Variants in TRIM42 observed in about 807,000 individuals in gnomAD.
The protein encoded by TRIM42 is tripartite motif-containing protein 42.
A neutral mutation model predicts 64.9 loss-of-function variants in TRIM42; 59 were observed. That is an observed-to-expected ratio of 0.91 (90% CI 0.74 to 1.13). TRIM42 has a LOEUF of 1.13. Ranked by LOEUF, TRIM42 falls within the 50% of genes most tolerant of loss-of-function variation. The pLI is 0.00. For synonymous variants in TRIM42, 354 were observed against 346.3 expected, an observed-to-expected ratio of 1.02 and a Z score of -0.25; for missense variants, 878 against 929.5, an observed-to-expected ratio of 0.94 and a Z score of 0.72.
Position 140,682,834 on chromosome 3 carries a change from C to T in TRIM42, c.714C>T (p.Cys238=). The change falls in exon 2 of 5, where the codon TGC becomes TGT. Residue 238 remains cysteine, a synonymous_variant. Transcript: ENST00000286349. The part of the protein sequence containing the change: ...RFDRSSGPIL[C]QVCRNKRIAY... ...ACCGCTCCTCCGGGCCCATCCTCTG[C>T]CAGGTCTGCCGCAACAAGCGCATCG... 6.2e-7 allele frequency: 1 copy of T among 1,614,152 alleles called. No homozygotes were observed.
At chr3:140,693,223 TAAGTG>T (rs765973382) in intron 4 of TRIM42, among the ~76,000 whole-genome samples, 15 of 152,254 alleles carry the variant, frequency 9.9e-5, no homozygotes, top group Non-Finnish European at 1.5e-4. Flanking sequence ...TGAAAGCTGT[TAAGTG>T]TTTTATACAG....
chr3:140,689,067 C>G (rs889713091), intron 3 of TRIM42, among the ~76,000 whole-genome samples: 1 of 152,194 alleles, frequency 6.6e-6, no homozygotes, highest in Non-Finnish European at 1.5e-5. Flanking sequence ...AGATTCAACC[C>G]GCCTTGAAGG....
chr3:140,679,832 A>G (rs977229005), intron 1 of TRIM42, among the ~76,000 whole-genome samples: 1 of 152,090 alleles, frequency 6.6e-6, no homozygotes, highest in Non-Finnish European at 1.5e-5. Flanking sequence ...GTTACTGTGC[A>G]TTGAAGTCAC....
rs750432714 is a variant in TRIM42, at chr3:140,688,188, C to T, written c.1506C>T (p.Asp502=). ...TGPKKVRSSG[D]SLPSPYPVHS... is the part of the protein sequence containing the mutation. ...CCAAGAAGGTACGCTCCTCAGGGGACTCCCTGCCCTCCCCCTACCCCGTGC... is the reference window on the plus strand; with the variant it reads ...CCAAGAAGGTACGCTCCTCAGGGGATTCCCTGCCCTCCCCCTACCCCGTGC... Residue 502 remains aspartate (D), a synonymous_variant, in exon 3 of 5, where the codon GAC becomes GAT. Transcript: ENST00000286349. 6.2e-6 allele frequency: 10 copies of T among 1,614,072 alleles called. No homozygotes were observed. Among genetic ancestry groups the T allele is most frequent in the Non-Finnish European group, 8.5e-6 (10 of 1,180,010 alleles).
chr3:140,696,633 C>A (rs1471053956), intron 4 of TRIM42, among the ~76,000 whole-genome samples: 12 of 152,224 alleles, frequency 7.9e-5, no homozygotes, highest in Admixed American at 7.9e-4. Flanking sequence ...AGTCTGCAAT[C>A]AAAATGTTGG....
At chr3:140,687,654 GT>G in intron 2 of TRIM42, 67 bp from the exon 3 acceptor site, 2 of 1,217,550 alleles carry the variant, frequency 1.6e-6, no homozygotes, top group Non-Finnish European at 2.3e-6. Context: ...ATTTGTTCTA[GT>G]TTGCTACTGA....
intron 3 of TRIM42, among the ~76,000 whole-genome samples, chr3:140,688,844 C>T (rs560605974): frequency 2.6e-5 from 4 of 152,232 alleles, no homozygotes; most frequent in Non-Finnish European, 5.9e-5. Context: ...AATTTGGGAA[C>T]CAAAGTAATT....
rs1988270706 is a variant in TRIM42, at chr3:140,678,568, C to T, written c.339C>T (p.Thr113=). 1.9e-6 allele frequency: 3 copies of T among 1,610,028 alleles called. No homozygotes were observed. The highest frequency in any genetic ancestry group is 2.5e-6 in the Non-Finnish European group (3 of 1,177,254). The change falls in exon 1 of 5, where the codon ACC becomes ACT. Residue 113 remains threonine, a splice_region_variant and synonymous_variant. Transcript: ENST00000286349. ...AGGGCCGCCTCAGGAGCATCCATAC[C>T]TCGTAAGTGCCAGGCACCAGATGTG... is the stretch of plus-strand genomic sequence containing the variant. The part of the protein sequence containing the change: ...FHKGRLRSIH[T]SSKTALRTGS...
rs141871662 is a variant in TRIM42, at chr3:140,687,799, C to T, written c.1117C>T (p.Arg373Ter). 2.0e-5 allele frequency: 32 copies of T among 1,613,964 alleles called. No homozygotes were observed. The highest frequency in any genetic ancestry group is 1.2e-4 in the Admixed American group (7 of 59,986). The change falls in exon 3 of 5, where the codon CGA (arginine) becomes TGA (stop). Residue 373 changes from arginine to a stop codon, truncating the protein, a stop_gained. Transcript: ENST00000286349. LOFTEE classifies it high-confidence loss of function. ...CTTTAAAGCTGACAAGGAGGCAAAG[C>T]GAAAAGAGATCAGAAATGGCTTTCT... is the stretch of plus-strand genomic sequence containing the variant. ...NSFKADKEAK[R>*]KEIRNGFLKL... is the part of the protein sequence containing the mutation.
rs556515979 is a variant in TRIM42, at chr3:140,696,904, G to A, written c.2086-3984G>A. On this transcript the variant is annotated intron_variant, in intron 4 of 4. Coordinates refer to ENST00000286349, the MANE Select transcript of TRIM42 (RefSeq NM_152616.5). ...CTTTGACATATAAATTTGGGGTCAG[G>A]TGCAATTCGCCCCATATTAGATACA... 2.6e-5 allele frequency among the ~76,000 whole-genome samples: 4 copies of A among 152,210 alleles called. No individual in the cohort carries two copies. The South Asian group carries it at 8.3e-4, about 32-fold the overall frequency.
At chr3:140,683,183 A>C in intron 2 of TRIM42, 24 bp downstream of exon 2, 1 of 1,610,674 alleles carries the variant, frequency 6.2e-7, no homozygotes, top group Non-Finnish European at 8.5e-7. Flanking sequence ...CCACTCCTTC[A>C]GCCTAACTTC....
At chr3:140,696,825 C>T (rs963955482) in intron 4 of TRIM42, among the ~76,000 whole-genome samples, 12 of 152,192 alleles carry the variant, frequency 7.9e-5, no homozygotes, top group South Asian at 2.1e-4. Context: ...TAAATCACCT[C>T]TTCAAAGGCC....
At chr3:140,695,090 A>T (rs532842636) in intron 4 of TRIM42, among the ~76,000 whole-genome samples, 20 of 151,828 alleles carry the variant, frequency 1.3e-4, no homozygotes, top group Middle Eastern at 3.4e-3. Context: ...ACTAAAAATT[A>T]AAAAAAAGTC....
rs774336506 is a variant in TRIM42 at position 140,682,609 on chromosome 3, C to T, written c.489C>T (p.His163=). Residue 163 remains histidine (H), a synonymous_variant, in exon 2 of 5, where the codon CAC becomes CAT. Transcript: ENST00000286349. The part of the protein sequence containing the change: ...RLHSFMLPCN[H]SLCEKCLRQL... The stretch of plus-strand genomic sequence containing the variant: ...ACTCATTCATGCTGCCCTGCAACCA[C>T]AGCCTGTGCGAGAAGTGCCTGCGGC... The T allele has an allele frequency of 1.9e-6, 3 of 1,614,124 alleles. No individual in the cohort carries two copies. The highest frequency in any genetic ancestry group is 1.1e-5 in the South Asian group (1 of 91,088).
intron 1 of TRIM42, among the ~76,000 whole-genome samples, chr3:140,682,004 T>C: frequency 6.6e-6 from 1 of 152,130 alleles, no homozygotes; most frequent in African/African-American, 2.4e-5. Context: ...TGTTTCTGCT[T>C]TGATCCATCA....
intron 2 of TRIM42, among the ~76,000 whole-genome samples, chr3:140,686,465 T>A (rs1315305722): frequency 6.6e-6 from 1 of 152,190 alleles, no homozygotes; most frequent in African/African-American, 2.4e-5. Context: ...CAGGAAAGAA[T>A]GGCTTTTACT....
Position 140,688,264 on chromosome 3 carries a change from G to A in TRIM42, c.1582G>A (p.Gly528Ser), listed in dbSNP as rs138101527. 166 of 1,613,996 alleles carry A rather than the reference G, an allele frequency of 1.0e-4. No homozygotes were observed. Among genetic ancestry groups the A allele is most frequent in the Middle Eastern group, 8.2e-4 (5 of 6,084 alleles). ...RKVTFSTHSL[G>S]NQHIYQRSSS... ...GGTCACTTTCAGCACCCACAGCCTCGGCAACCAGCACATATACCAGCGAAG... is the reference window on the plus strand; with the variant it reads ...GGTCACTTTCAGCACCCACAGCCTCAGCAACCAGCACATATACCAGCGAAG... Residue 528 changes from glycine (G) to serine (S), a missense_variant, in exon 3 of 5, where the codon GGC (glycine) becomes AGC (serine). Gly to Ser is a moderately conservative substitution (Grantham distance 56). Transcript: ENST00000286349.
intron 2 of TRIM42, among the ~76,000 whole-genome samples, chr3:140,684,919 A>G (rs1988510190): frequency 1.3e-5 from 2 of 152,270 alleles, no homozygotes; most frequent in African/African-American, 2.4e-5. Context: ...GAAACTTAGG[A>G]TAGTTTTCTG....
At position 140,688,561 on chromosome 3, in the gene TRIM42, C is replaced by G. The variant is rs370052208; in HGVS notation, c.1860+19C>G. On this transcript the variant is annotated intron_variant, in intron 3 of 4. Coordinates refer to ENST00000286349, the MANE Select transcript of TRIM42 (RefSeq NM_152616.5). ...TGCCAAGGTAAGAAAGGTTCTGGGCCCAGTGGGGAAGTGGGAGGGTGTGGG... is the reference window on the plus strand; with the variant it reads ...TGCCAAGGTAAGAAAGGTTCTGGGCGCAGTGGGGAAGTGGGAGGGTGTGGG... The G allele has an allele frequency of 1.0e-5, 16 of 1,579,538 alleles. No individual in the cohort carries two copies. The highest frequency in any genetic ancestry group is 1.7e-4 in the Middle Eastern group (1 of 5,906).
Sources: allele counts gnomAD v4.1 joint callset (sites outside exome capture counted in the v4.1 genomes callset), GRCh38; gene constraint gnomAD v4.1.1; transcripts MANE v1.5; gene names NCBI Gene and HGNC (gene_info 2026-07-23, HGNC 2026-07-21).